Variants in LLGL1 observed in about 807,000 individuals in gnomAD.
The protein encoded by LLGL1 is LLGL scribble cell polarity complex component 1.
A neutral mutation model predicts 110.6 loss-of-function variants in LLGL1; 58 were observed. The ratio of observed to expected loss-of-function variants is 0.52; its 90% CI spans 0.42 to 0.65. The LOEUF is 0.65. LLGL1 is among the 30% of genes least tolerant of loss of function. The pLI is 0.00. For missense variants in LLGL1, 1,229 were observed against 1,462.1 expected (o/e 0.84, Z 2.60); for synonymous variants, 674 against 607.2 (o/e 1.11, Z -1.62).
intron 16 of LLGL1, among the ~76,000 whole-genome samples, chr17:18,239,243 C>T (rs1222558506): frequency 6.6e-6 from 1 of 152,092 alleles, no homozygotes; most frequent in Non-Finnish European, 1.5e-5. Context: ...TGGAGTGGAG[C>T]AGGTGAGGGT....
At chr17:18,231,553 C>A (rs4556848) in intron 2 of LLGL1, among the ~76,000 whole-genome samples, 4 of 152,130 alleles carry the variant, frequency 2.6e-5, no homozygotes, top group Non-Finnish European at 5.9e-5. Context: ...GTCATCCACC[C>A]CCTCCAAGTC....
Position 18,237,687 on chromosome 17 carries a change from C to A in LLGL1, c.1818C>A (p.Leu606=), listed in dbSNP as rs1237296986. The A allele has an allele frequency of 6.2e-7, 1 of 1,612,956 alleles. No homozygotes were observed. The highest frequency in any genetic ancestry group is 1.3e-5 in the African/African-American group (1 of 75,050). The change falls in exon 14 of 23, where the codon CTC becomes CTA. Residue 606 remains leucine, a synonymous_variant. Coordinates refer to ENST00000316843, the MANE Select transcript of LLGL1 (RefSeq NM_004140.4). The part of the protein sequence containing the change: ...LPPAAVTAVT[L]HTEWSLVAFG... ...CAGCTGCTGTAACCGCTGTCACACT[C>A]CACACCGAGTGGAGCCTCGTGGCTT...
At chr17:18,237,281 C>G (rs2047714118) in intron 13 of LLGL1, 200 bp from the exon 14 acceptor site, 1 of 617,352 alleles carries the variant, frequency 1.6e-6, no homozygotes, top group Non-Finnish European at 2.8e-6. Context: ...GTGTCTTGGT[C>G]ACCACTGTGT....
intron 2 of LLGL1, 126 bp downstream of exon 2, chr17:18,230,164 G>A (rs2047536245): frequency 1.5e-6 from 1 of 661,804 alleles, no homozygotes; most frequent in East Asian, 3.0e-5. Context: ...CTGATGGGCA[G>A]TAGTGGGGGC....
Position 18,240,953 on chromosome 17 carries a change from G to A in LLGL1, c.2502+80G>A. ...CTCATGGACACCATTGGACCCTCAAGAAACCCTTCCTGCCTGTATCCCCCA... is the reference window on the plus strand; with the variant it reads ...CTCATGGACACCATTGGACCCTCAAAAAACCCTTCCTGCCTGTATCCCCCA... On this transcript the variant is annotated intron_variant, in intron 17 of 22. Transcript: ENST00000316843. The surrounding 1 kb of genome is among the most constrained non-coding windows in gnomAD (Gnocchi z 5.3). 1 of 1,375,492 alleles carries A rather than the reference G, an allele frequency of 7.3e-7. No homozygotes were observed. The highest frequency in any genetic ancestry group is 9.7e-7 in the Non-Finnish European group (1 of 1,031,418). The allele number at this position is 1,375,492 out of a possible 1,614,324, so 85.2% of individuals were successfully genotyped here.
At chr17:18,238,784 G>T (rs1338870667) in intron 16 of LLGL1, among the ~76,000 whole-genome samples, 175 bp downstream of exon 16, 1 of 152,152 alleles carries the variant, frequency 6.6e-6, no homozygotes, top group Non-Finnish European at 1.5e-5. Flanking sequence ...GCCGAGGTGG[G>T]CGGATCACCT....
At chr17:18,239,155 G>A (rs2047765777) in intron 16 of LLGL1, among the ~76,000 whole-genome samples, 2 of 152,218 alleles carry the variant, frequency 1.3e-5, no homozygotes, top group Non-Finnish European at 2.9e-5. Context: ...GAGGCCTGGT[G>A]GATGACGGTG....
chr17:18,238,439 G>T lies in LLGL1; in HGVS notation c.2053-17G>T, dbSNP rs772183618. On this transcript the variant is annotated splice_polypyrimidine_tract_variant and intron_variant, in intron 15 of 22. Coordinates refer to ENST00000316843, the MANE Select transcript of LLGL1 (RefSeq NM_004140.4). ...GGGGTGCTAGGGAGACAGTGTTCAG[G>T]AGCCCCCGCCCGGCAGTTGCAGGAA... 9 of 1,599,402 alleles carry T rather than the reference G, an allele frequency of 5.6e-6. No individual in the cohort carries two copies. The African/African-American group carries it at 1.2e-4, about 21-fold the overall frequency.
chr17:18,228,135 C>T (rs2047492201), intron 1 of LLGL1, among the ~76,000 whole-genome samples: 1 of 152,162 alleles, frequency 6.6e-6, no homozygotes, highest in East Asian at 1.9e-4. Flanking sequence ...TATAGTTGTG[C>T]AGGAGACAGT....
At position 18,240,962 on chromosome 17, in the gene LLGL1, C is replaced by T; in HGVS notation, c.2502+89C>T. 3 of 1,320,522 alleles carry T rather than the reference C, an allele frequency of 2.3e-6. No individual in the cohort carries two copies. In the South Asian group the frequency reaches 4.8e-5, roughly 21 times the overall value. 81.8% of individuals were successfully genotyped at this position (1,320,522 alleles called of 1,614,324 possible). On this transcript the variant is annotated intron_variant, in intron 17 of 22. Coordinates refer to ENST00000316843, the MANE Select transcript of LLGL1 (RefSeq NM_004140.4). This position sits in a 1 kb window ranked among gnomAD's most constrained non-coding sequence, Gnocchi z 5.3. ...ACCATTGGACCCTCAAGAAACCCTTCCTGCCTGTATCCCCCACTGTTGGGA... is the reference window on the plus strand; with the variant it reads ...ACCATTGGACCCTCAAGAAACCCTTTCTGCCTGTATCCCCCACTGTTGGGA...
chr17:18,239,274 G>A (rs1287502895), intron 16 of LLGL1, among the ~76,000 whole-genome samples: 2 of 152,156 alleles, frequency 1.3e-5, no homozygotes, highest in South Asian at 2.1e-4. Flanking sequence ...GGTTCAGGGA[G>A]ATACTGCTGC....
chr17:18,232,530 A>G lies in LLGL1; in HGVS notation c.215A>G (p.His72Arg). 1 of 1,614,040 alleles carries G rather than the reference A, an allele frequency of 6.2e-7. No individual in the cohort carries two copies. The highest frequency in any genetic ancestry group is 8.5e-7 in the Non-Finnish European group (1 of 1,179,982). ...CCTGGCGTGGAGTTCACAGGCCTGCACCGGGATGCAGCCACTGTCACACAG... is the reference window on the plus strand; with the variant it reads ...CCTGGCGTGGAGTTCACAGGCCTGCGCCGGGATGCAGCCACTGTCACACAG... Reference protein sequence around the residue: ...GAPGVEFTGLHRDAATVTQMH... With the variant: ...GAPGVEFTGLRRDAATVTQMH... The change falls in exon 3 of 23, where the codon CAC becomes CGC. Residue 72 changes from histidine (H) to arginine (R), a missense_variant. Physicochemically the swap from His to Arg is conservative, Grantham distance 29 (BLOSUM62 0). Transcript: ENST00000316843.
chr17:18,238,256 G>C (rs749837753), intron 15 of LLGL1, 42 bp downstream of exon 15: 23 of 1,605,382 alleles, frequency 1.4e-5, no homozygotes, highest in Non-Finnish European at 1.9e-5. Context: ...CCTGTGTCCT[G>C]TGCCTTGGCC....
Position 18,240,950 on chromosome 17 carries a change from C to T in LLGL1, c.2502+77C>T, listed in dbSNP as rs2047817460. The T allele has an allele frequency of 1.4e-6, 2 of 1,379,444 alleles. No homozygotes were observed. The highest frequency in any genetic ancestry group is 2.9e-5 in the African/African-American group (2 of 68,650). 85.5% of individuals were successfully genotyped at this position (1,379,444 alleles called of 1,614,324 possible). A position where few individuals can be genotyped will look rare whatever the true frequency, so the allele number is the denominator to read the frequency against. Reference sequence around the variant, plus strand: ...AACCTCATGGACACCATTGGACCCTCAAGAAACCCTTCCTGCCTGTATCCC... The same window carrying T: ...AACCTCATGGACACCATTGGACCCTTAAGAAACCCTTCCTGCCTGTATCCC... On this transcript the variant is annotated intron_variant, in intron 17 of 22. Transcript: ENST00000316843. The surrounding 1 kb of genome is among the most constrained non-coding windows in gnomAD (Gnocchi z 5.3).
intron 21 of LLGL1, 26 bp downstream of exon 21, chr17:18,242,654 G>C (rs373055896): frequency 1.9e-5 from 30 of 1,589,778 alleles, no homozygotes; most frequent in Middle Eastern, 1.7e-4. Context: ...AGGTCCACAG[G>C]GGGGGCTGCC....
intron 15 of LLGL1, 36 bp from the exon 16 acceptor site, chr17:18,238,420 C>T (rs1342483508): frequency 3.8e-6 from 6 of 1,588,456 alleles, no homozygotes; most frequent in Non-Finnish European, 5.1e-6. Flanking sequence ...CACTGGGGTG[C>T]TAGGGAGACA....
chr17:18,244,114 C>T lies in LLGL1; in HGVS notation c.*208C>T, dbSNP rs2047921703. The T allele has an allele frequency of 6.6e-6, 1 of 152,324 alleles. No homozygotes were observed. The highest frequency in any genetic ancestry group is 6.5e-5 in the Admixed American group (1 of 15,286). 9.4% of individuals were successfully genotyped at this position (152,324 alleles called of 1,614,324 possible). A position where few individuals can be genotyped will look rare whatever the true frequency, so the allele number is the denominator to read the frequency against. On this transcript the variant is annotated 3_prime_UTR_variant, in exon 23 of 23. Transcript: ENST00000316843. Reference sequence around the variant, plus strand: ...CTGGGACCTGGGCCAGAACTGAGCCCTCCTGCAGGCATTTGGCTGCCCTGG... The same window carrying T: ...CTGGGACCTGGGCCAGAACTGAGCCTTCCTGCAGGCATTTGGCTGCCCTGG...
intron 2 of LLGL1, among the ~76,000 whole-genome samples, chr17:18,232,186 A>G (rs917679742): frequency 1.3e-5 from 2 of 152,360 alleles, no homozygotes; most frequent in East Asian, 3.9e-4. Flanking sequence ...GGGTGTGTTT[A>G]TTCTCACTTG....
chr17:18,241,329 A>G, intron 17 of LLGL1, 122 bp from the exon 18 acceptor site: 1 of 1,292,614 alleles, frequency 7.7e-7, no homozygotes. Context: ...CAGGCACGGG[A>G]GGCCACGTAG....
Sources: allele counts gnomAD v4.1 joint callset (sites outside exome capture counted in the v4.1 genomes callset), GRCh38; gene constraint gnomAD v4.1.1; non-coding constraint Gnocchi (gnomAD v3.1); transcripts MANE v1.5; gene names NCBI Gene and HGNC (gene_info 2026-07-23, HGNC 2026-07-21).